Variants in RGS7 observed in about 807,000 individuals in gnomAD.
RGS7 encodes regulator of G protein signaling 7, also known as regulator of G-protein signaling 7.
In RGS7, 27 loss-of-function variants were observed where a neutral mutation model predicts 81.1. That is an observed-to-expected ratio of 0.33 (90% CI 0.25 to 0.46). RGS7 has a LOEUF of 0.46. RGS7 is among the 20% of genes least tolerant of loss of function. RGS7 has a pLI of 1.00. For missense variants in RGS7, 396 were observed against 607.4 expected (o/e 0.65, Z 3.66); for synonymous variants, 208 against 207.7 (o/e 1.00, Z -0.01).
At chr1:241,210,602 T>G (rs1270799203) in intron 2 of RGS7, among the ~76,000 whole-genome samples, 1 of 152,262 alleles carries the variant, frequency 6.6e-6, no homozygotes, top group Non-Finnish European at 1.5e-5. Context: ...ACATATGCCC[T>G]GCTGCTTTGG....
chr1:241,112,512 G>A (rs750276424), intron 2 of RGS7, among the ~76,000 whole-genome samples: 3 of 152,170 alleles, frequency 2.0e-5, no homozygotes, highest in Admixed American at 2.0e-4. Flanking sequence ...GCATCCTCAT[G>A]CCAATGAAGA....
intron 14 of RGS7, among the ~76,000 whole-genome samples, chr1:240,809,887 A>G (rs1487005943): frequency 3.9e-5 from 6 of 152,174 alleles, no homozygotes; most frequent in Non-Finnish European, 8.8e-5. Context: ...ATGTGTGTGT[A>G]TATATATAAG....
chr1:241,155,255 G>A (rs1284601752), intron 2 of RGS7, among the ~76,000 whole-genome samples: 2 of 151,954 alleles, frequency 1.3e-5, no homozygotes, highest in African/African-American at 4.8e-5. Context: ...TGCATACCCC[G>A]AGGCCCAGCT....
chr1:241,114,325 C>G (rs2065738971), intron 2 of RGS7, among the ~76,000 whole-genome samples: 1 of 151,588 alleles, frequency 6.6e-6, no homozygotes, highest in East Asian at 2.0e-4. Flanking sequence ...CTCGCTCTTT[C>G]TCTCTCTCTC....
At chr1:241,084,499 G>A (rs1396710362) in intron 3 of RGS7, among the ~76,000 whole-genome samples, 2 of 152,142 alleles carry the variant, frequency 1.3e-5, no homozygotes, top group African/African-American at 4.8e-5. Flanking sequence ...TTGCTGAGAA[G>A]ATAGAACAGT....
chr1:241,339,344 T>C (rs1202360299), intron 2 of RGS7, among the ~76,000 whole-genome samples: 1 of 152,194 alleles, frequency 6.6e-6, no homozygotes, highest in African/African-American at 2.4e-5. Flanking sequence ...GCCTTGCATA[T>C]AATAATTATT....
intron 2 of RGS7, among the ~76,000 whole-genome samples, chr1:241,349,257 A>G (rs762392144): frequency 6.6e-6 from 1 of 152,218 alleles, no homozygotes; most frequent in Non-Finnish European, 1.5e-5. Flanking sequence ...AAGACTTCCC[A>G]ATTCTAGTGC....
intron 2 of RGS7, among the ~76,000 whole-genome samples, chr1:241,309,279 G>A (rs1314440823): frequency 6.6e-6 from 1 of 151,164 alleles, no homozygotes; most frequent in Admixed American, 6.6e-5. Flanking sequence ...CCAGCTACCC[G>A]GGAGGCTGAG....
intron 2 of RGS7, among the ~76,000 whole-genome samples, chr1:241,192,201 TGTG>T (rs2072723227): frequency 6.8e-6 from 1 of 148,056 alleles, no homozygotes; most frequent in Non-Finnish European, 1.5e-5. Context: ...TGTGTGTGTG[TGTG>T]TGTTTTGCTT....
At position 240,806,248 on chromosome 1, in the gene RGS7, C is replaced by T. The variant is rs752980811; in HGVS notation, c.1161G>A (p.Glu387=). The T allele has an allele frequency of 1.2e-6, 2 of 1,613,982 alleles. No individual in the cohort carries two copies. The highest frequency in any genetic ancestry group is 2.2e-5 in the South Asian group (2 of 91,086). The part of the protein sequence containing the change: ...VPSRVQEIWQ[E]FLAPGAPSAI... ...CACTGGGGGCTCCGGGAGCCAGAAACTCTTGCCATATTTCCTGAACTCTTG... is the reference window on the plus strand; with the variant it reads ...CACTGGGGGCTCCGGGAGCCAGAAATTCTTGCCATATTTCCTGAACTCTTG... Residue 387 remains glutamate, a synonymous_variant, in exon 15 of 19, where the codon GAG becomes GAA. Coordinates refer to ENST00000440928, the MANE Select transcript of RGS7 (RefSeq NM_001364886.1).
chr1:241,172,513 G>A (rs1247038345), intron 2 of RGS7, among the ~76,000 whole-genome samples: 1 of 152,076 alleles, frequency 6.6e-6, no homozygotes, highest in African/African-American at 2.4e-5. Flanking sequence ...TAAACTCACA[G>A]ACTAAACCAA....
At chr1:241,289,702 C>T (rs1431643484) in intron 2 of RGS7, among the ~76,000 whole-genome samples, 1 of 152,088 alleles carries the variant, frequency 6.6e-6, no homozygotes, top group Non-Finnish European at 1.5e-5. Context: ...AGCACTGATC[C>T]TAAGTTGAAG....
rs761466553 is a variant in RGS7, at chr1:240,930,670, T to C, written c.385+47A>G. On this transcript the variant is annotated intron_variant, in intron 6 of 18. Transcript: ENST00000440928. Reference sequence around the variant, plus strand: ...AATAAAACGCAAGTACACATCCATCTACACATACAGGCTGTCAATAATAAA... The same window carrying C: ...AATAAAACGCAAGTACACATCCATCCACACATACAGGCTGTCAATAATAAA... The C allele has an allele frequency of 3.2e-6, 5 of 1,550,296 alleles. No individual in the cohort carries two copies. The South Asian group carries it at 4.5e-5, about 14-fold the overall frequency.
chr1:241,152,457 T>C (rs866551542), intron 2 of RGS7, among the ~76,000 whole-genome samples: 1 of 152,208 alleles, frequency 6.6e-6, no homozygotes, highest in Non-Finnish European at 1.5e-5. Context: ...AATTGGGAGC[T>C]TCATCAATAG....
At chr1:240,857,780 T>C (rs767759149) in intron 9 of RGS7, among the ~76,000 whole-genome samples, 16 of 152,280 alleles carry the variant, frequency 1.1e-4, no homozygotes, top group Non-Finnish European at 2.2e-4. Flanking sequence ...CTCATCTGAA[T>C]TGTAGTTCCC....
At chr1:240,990,319 T>C (rs1686275433) in intron 3 of RGS7, among the ~76,000 whole-genome samples, 1 of 152,186 alleles carries the variant, frequency 6.6e-6, no homozygotes, top group African/African-American at 2.4e-5. Flanking sequence ...AGAGGAAAAG[T>C]GGAATTCAAA....
At chr1:241,035,217 C>G (rs962714548) in intron 3 of RGS7, among the ~76,000 whole-genome samples, 8 of 151,938 alleles carry the variant, frequency 5.3e-5, no homozygotes, top group Admixed American at 5.3e-4. Context: ...GTCTGAAGCT[C>G]GAAAATGCTC....
chr1:241,044,848 G>T (rs1201261938), intron 3 of RGS7, among the ~76,000 whole-genome samples: 1 of 152,102 alleles, frequency 6.6e-6, no homozygotes, highest in Non-Finnish European at 1.5e-5. Context: ...GTTAACACAA[G>T]AATTTAGAGC....
rs533984006 is a variant in RGS7 at position 241,192,838 on chromosome 1, G to A, written c.79-94076C>T. ...AAGAGTTCAGGAAAATCCAAGGGCTGAATTCAACATCCATCTAGCCAGTAG... is the reference window on the plus strand; with the variant it reads ...AAGAGTTCAGGAAAATCCAAGGGCTAAATTCAACATCCATCTAGCCAGTAG... On this transcript the variant is annotated intron_variant, in intron 2 of 18. Coordinates refer to ENST00000440928, the MANE Select transcript of RGS7 (RefSeq NM_001364886.1). 6.3e-4 allele frequency among the ~76,000 whole-genome samples: 96 copies of A among 152,222 alleles called. 3 individuals carry two copies. The South Asian group carries it at 0.02, about 31-fold the overall frequency.
Sources: gnomAD v4.1 joint callset for allele counts (sites outside exome capture counted in the v4.1 genomes callset) on GRCh38, gnomAD v4.1.1 for gene constraint, MANE v1.5 for transcripts, NCBI Gene and HGNC (gene_info 2026-07-23, HGNC 2026-07-21) for gene names.